The following ULK4 variants were observed in gnomAD, a reference collection of about 807,000 sequenced individuals.
ULK4 encodes inactive serine/threonine-protein kinase ULK4.
In ULK4, 133 loss-of-function variants were observed where a neutral mutation model predicts 160.6. That is an observed-to-expected ratio of 0.83 (90% CI 0.72 to 0.96). The LOEUF (loss-of-function observed/expected upper bound fraction) is 0.96. Ranked by LOEUF, ULK4 falls within the 40% of genes least tolerant of loss-of-function variation. The pLI, the probability that ULK4 is intolerant of heterozygous loss-of-function variation, is 0.00. For synonymous variants in ULK4, 534 were observed against 539.8 expected, an observed-to-expected ratio of 0.99 and a Z score of 0.15; for missense variants, 1,580 against 1,499.5, an observed-to-expected ratio of 1.05 and a Z score of -0.89.
intron 18 of ULK4, among the ~76,000 whole-genome samples, chr3:41,831,563 G>C (rs936417039): frequency 1.2e-4 from 17 of 140,142 alleles, no homozygotes; most frequent in Admixed American, 1.0e-3. Context: ...TTAGGTTCTA[G>C]GATACATGTG....
At chr3:41,921,148 C>T (rs1041446870) in intron 5 of ULK4, among the ~76,000 whole-genome samples, 22 of 150,984 alleles carry the variant, frequency 1.5e-4, no homozygotes, top group Admixed American at 1.3e-3. Flanking sequence ...CCCATCTCTA[C>T]CAAAAATACA....
chr3:41,258,986 A>ATATACATATATACATATG (rs147355493), intron 35 of ULK4, among the ~76,000 whole-genome samples: 11 of 149,674 alleles, frequency 7.3e-5, no homozygotes, highest in African/African-American at 2.4e-4. Context: ...ATATATACAG[A>ATATACATATATACATATG]TATACATATA....
At chr3:41,546,299 G>T (rs1559383019) in intron 32 of ULK4, among the ~76,000 whole-genome samples, 1 of 152,016 alleles carries the variant, frequency 6.6e-6, no homozygotes, top group Non-Finnish European at 1.5e-5. Context: ...GTTTTATTCT[G>T]TTAGGACAGA....
intron 35 of ULK4, among the ~76,000 whole-genome samples, chr3:41,388,326 C>A (rs1241963480): frequency 6.6e-6 from 1 of 151,842 alleles, no homozygotes; most frequent in Non-Finnish European, 1.5e-5. Context: ...TTGTAGGTTG[C>A]CTGTTCACTC....
At chr3:41,307,058 C>T (rs1400534610) in intron 35 of ULK4, among the ~76,000 whole-genome samples, 1 of 151,064 alleles carries the variant, frequency 6.6e-6, no homozygotes, top group Non-Finnish European at 1.5e-5. Context: ...CCTTTGTTCA[C>T]TTGTTTATCT....
intron 30 of ULK4, among the ~76,000 whole-genome samples, chr3:41,618,769 G>C (rs1235461815): frequency 6.6e-6 from 1 of 151,858 alleles, no homozygotes; most frequent in African/African-American, 2.4e-5. Context: ...AATTCACACG[G>C]AACAATATTA....
At chr3:41,468,080 T>C (rs1211937017) in intron 32 of ULK4, among the ~76,000 whole-genome samples, 3 of 152,364 alleles carry the variant, frequency 2.0e-5, no homozygotes, top group South Asian at 2.1e-4. Context: ...CCTGGCACTA[T>C]ACTCTCACTA....
intron 35 of ULK4, among the ~76,000 whole-genome samples, chr3:41,366,301 A>G (rs898908883): frequency 6.6e-5 from 10 of 152,196 alleles, no homozygotes; most frequent in Non-Finnish European, 1.0e-4. Context: ...GGTTCTCACC[A>G]AAGAGGGACA....
intron 4 of ULK4, among the ~76,000 whole-genome samples, chr3:41,933,366 C>T (rs940707367): frequency 2.6e-5 from 4 of 152,208 alleles, no homozygotes; most frequent in African/African-American, 9.7e-5. Flanking sequence ...ACGAGCCATA[C>T]AGTCTTTTGT....
intron 32 of ULK4, among the ~76,000 whole-genome samples, chr3:41,473,300 C>T (rs984210219): frequency 1.3e-5 from 2 of 152,078 alleles, no homozygotes; most frequent in Non-Finnish European, 2.9e-5. Flanking sequence ...AGAATTGTTG[C>T]TGTTTGTCAA....
At chr3:41,643,896 G>T (rs56088503) in intron 30 of ULK4, among the ~76,000 whole-genome samples, 6,218 of 152,082 alleles carry the variant, frequency 0.041, 163 homozygotes, top group African/African-American at 0.058. Flanking sequence ...TCTCCTTGAA[G>T]AGGTCCTTCA....
At chr3:41,594,266 G>A (rs1019569127) in intron 31 of ULK4, among the ~76,000 whole-genome samples, 1 of 152,160 alleles carries the variant, frequency 6.6e-6, no homozygotes, top group Non-Finnish European at 1.5e-5. Flanking sequence ...GCTGGGCACG[G>A]CAGCTCATGT....
At chr3:41,433,385 C>A (rs2082958082) in intron 34 of ULK4, among the ~76,000 whole-genome samples, 1 of 152,130 alleles carries the variant, frequency 6.6e-6, no homozygotes, top group Non-Finnish European at 1.5e-5. Context: ...AGAATGAAAA[C>A]TGGTCCTCTA....
At chr3:41,815,098 A>G (rs375253098) in intron 19 of ULK4, among the ~76,000 whole-genome samples, 2 of 152,034 alleles carry the variant, frequency 1.3e-5, no homozygotes, top group East Asian at 1.9e-4. Flanking sequence ...TAGCAGAGAC[A>G]TGGTTTCACC....
intron 35 of ULK4, among the ~76,000 whole-genome samples, chr3:41,329,438 C>T (rs1179220515): frequency 6.6e-6 from 1 of 152,112 alleles, no homozygotes; most frequent in Non-Finnish European, 1.5e-5. Flanking sequence ...TTGAAAACGG[C>T]CAAATGCTTC....
intron 35 of ULK4, among the ~76,000 whole-genome samples, chr3:41,264,952 C>T (rs1019216502): frequency 6.6e-6 from 1 of 152,220 alleles, no homozygotes; most frequent in Non-Finnish European, 1.5e-5. Flanking sequence ...GGAAGGGAGA[C>T]TTGTGACAGG....
chr3:41,582,486 A>C (rs2030447561), intron 31 of ULK4, among the ~76,000 whole-genome samples: 1 of 152,190 alleles, frequency 6.6e-6, no homozygotes, highest in African/African-American at 2.4e-5. Flanking sequence ...TTATGTCTGC[A>C]TAGAGCAAGC....
chr3:41,462,446 A>G (rs1009554827), intron 33 of ULK4, among the ~76,000 whole-genome samples: 3 of 152,222 alleles, frequency 2.0e-5, no homozygotes, highest in Admixed American at 6.5e-5. Context: ...AGAGCATTAA[A>G]TAAAACAGGC....
intron 35 of ULK4, among the ~76,000 whole-genome samples, chr3:41,280,906 T>C (rs921206669): frequency 8.6e-5 from 13 of 152,038 alleles, no homozygotes; most frequent in Non-Finnish European, 1.5e-4. Context: ...AATAGACTGC[T>C]CGCAAGACTA....
Sources: allele counts gnomAD v4.1 joint callset (sites outside exome capture counted in the v4.1 genomes callset), GRCh38; gene constraint gnomAD v4.1.1; transcripts MANE v1.5; gene names NCBI Gene and HGNC (gene_info 2026-07-23, HGNC 2026-07-21).